Variants in YES1 observed in about 807,000 individuals in gnomAD.
YES1 encodes the protein tyrosine-protein kinase Yes.
A neutral mutation model predicts 70.4 loss-of-function variants in YES1; 39 were observed. That is an observed-to-expected ratio of 0.55 (90% CI 0.43 to 0.72). The LOEUF is 0.72. YES1 is among the 30% of genes least tolerant of loss of function. The pLI is 0.00. For synonymous variants in YES1, 198 were observed against 218.6 expected (o/e 0.91, Z 0.83); for missense variants, 495 against 644.8 (o/e 0.77, Z 2.52).
rs190621626 is a variant in YES1, at chr18:784,772, C to A, written c.-9+27342G>T. Among the ~76,000 whole-genome samples the A allele has an allele frequency of 2.6e-5, 4 of 152,262 alleles. No individual in the cohort carries two copies. In the East Asian group the frequency reaches 7.7e-4, roughly 29 times the overall value. On this transcript the variant is annotated intron_variant, in intron 1 of 11. Transcript: ENST00000314574. ...GCTTTTCTCTTCCACTCTTAAAAAC[C>A]ATTGTTACTCTATTATGCCTACCTG...
chr18:810,659 C>T (rs1358580446), intron 1 of YES1, among the ~76,000 whole-genome samples: 1 of 152,194 alleles, frequency 6.6e-6, no homozygotes, highest in Non-Finnish European at 1.5e-5. Flanking sequence ...GTAGGACCCT[C>T]TGAATTGTCA....
At chr18:779,403 CA>C (rs35003724) in intron 1 of YES1, among the ~76,000 whole-genome samples, 3,910 of 62,990 alleles carry the variant, frequency 0.062, 51 homozygotes, top group Middle Eastern at 0.089. Flanking sequence ...GACCCTGTCT[CA>C]AAAAAAAAAA....
rs766182225 is a variant in YES1, at chr18:736,829, T to C, written c.1270A>G (p.Asn424Asp). 2.1e-5 allele frequency: 34 copies of C among 1,611,798 alleles called. No homozygotes were observed. The Middle Eastern group carries it at 1.9e-3, about 89-fold the overall frequency. The change falls in exon 10 of 12, where the codon AAT becomes GAT. Residue 424 changes from asparagine to aspartate, a missense_variant. This residue lies in a region of YES1 where 385 missense variants were observed against 540.9 expected (regional missense o/e 0.71). Transcript: ENST00000314574. ...TTACCTTGTCTTGCTGTGTATTCAT[T>C]GTCTTCAATTAACCTTGCTAAACCA... The part of the protein sequence containing the change: ...DFGLARLIED[N>D]EYTARQGAKF...
chr18:765,298 A>G (rs1904846353), intron 1 of YES1, among the ~76,000 whole-genome samples: 1 of 135,914 alleles, frequency 7.4e-6, no homozygotes, highest in Non-Finnish European at 1.6e-5. Context: ...ATATATCTGT[A>G]GCAATTTTTT....
intron 1 of YES1, chr18:775,364 A>G (rs1285048820): frequency 6.6e-6 from 1 of 152,240 alleles, no homozygotes; most frequent in Admixed American, 6.6e-5. Context: ...ACACCAATGT[A>G]CTCACCACCC....
chr18:729,247 G>A (rs2080057892), intron 11 of YES1, among the ~76,000 whole-genome samples: 1 of 151,918 alleles, frequency 6.6e-6, no homozygotes, highest in South Asian at 2.1e-4. Flanking sequence ...ATGTTTTACA[G>A]TTCTAAAATT....
chr18:745,664 T>C lies in YES1; in HGVS notation c.724+44A>G, dbSNP rs1447295061. On this transcript the variant is annotated intron_variant, in intron 6 of 11. Coordinates refer to ENST00000314574, the MANE Select transcript of YES1 (RefSeq NM_005433.4). ...GGATATGGATTTTGTCCTCATAAAC[T>C]AGAATATGAAGAAATAATTTTTACC... 3 of 1,549,216 alleles carry C rather than the reference T, an allele frequency of 1.9e-6. No homozygotes were observed. In the Admixed American group the frequency reaches 6.0e-5, roughly 31 times the overall value.
chr18:725,399 A>G (rs531879831), intron 11 of YES1, among the ~76,000 whole-genome samples: 1 of 152,306 alleles, frequency 6.6e-6, no homozygotes, highest in East Asian at 1.9e-4. Context: ...AAAATAGTCT[A>G]TGATTCTCTA....
chr18:779,409 A>C (rs1328611872), intron 1 of YES1, among the ~76,000 whole-genome samples: 2 of 151,898 alleles, frequency 1.3e-5, no homozygotes, highest in Non-Finnish European at 2.9e-5. Flanking sequence ...GTCTCAAAAA[A>C]AAAAAAAAAA....
intron 2 of YES1, 49 bp from the exon 3 acceptor site, chr18:751,853 A>C: frequency 9.0e-7 from 1 of 1,115,146 alleles, no homozygotes; most frequent in Non-Finnish European, 1.3e-6. Context: ...TAACTTAACA[A>C]AACAGAAAAA....
At chr18:757,502 CAA>C (rs747227284) in intron 1 of YES1, among the ~76,000 whole-genome samples, 14 of 91,172 alleles carry the variant, frequency 1.5e-4, no homozygotes, top group Admixed American at 4.6e-4. Context: ...GACTCCGTCT[CAA>C]AAAAAAAAAA....
Position 722,900 on chromosome 18 carries a change from G to C in YES1, c.*1524C>G, listed in dbSNP as rs146312589. On this transcript the variant is annotated 3_prime_UTR_variant, in exon 12 of 12. Coordinates refer to ENST00000314574, the MANE Select transcript of YES1 (RefSeq NM_005433.4). ...AAGGTCAGGAGATCGAGACTATCCT[G>C]GCTAACACGGTGAAACTGCGTCTCT... The C allele has an allele frequency of 6.6e-6, 1 of 152,186 alleles. No individual in the cohort carries two copies. The highest frequency in any genetic ancestry group is 2.4e-5 in the African/African-American group (1 of 41,434). The allele number at this position is 152,186 out of a possible 1,614,324, so 9.4% of individuals were successfully genotyped here.
intron 4 of YES1, 55 bp downstream of exon 4, chr18:747,865 C>A: frequency 1.3e-6 from 2 of 1,522,776 alleles, no homozygotes; most frequent in Non-Finnish European, 1.8e-6. Flanking sequence ...GTAGAATGTG[C>A]ATTAAAACAT....
chr18:747,629 G>A (rs1224027209), intron 4 of YES1, among the ~76,000 whole-genome samples: 1 of 152,092 alleles, frequency 6.6e-6, no homozygotes, highest in Admixed American at 6.6e-5. Context: ...TTTGAAGTGA[G>A]ACAGTCTGAA....
At chr18:800,677 T>C (rs1250916643) in intron 1 of YES1, among the ~76,000 whole-genome samples, 2 of 152,216 alleles carry the variant, frequency 1.3e-5, no homozygotes, top group Non-Finnish European at 2.9e-5. Flanking sequence ...CTTGACACAG[T>C]GGCAAAAGAG....
Position 751,593 on chromosome 18 carries a change from G to A in YES1, c.371+112C>T, listed in dbSNP as rs560949965. On this transcript the variant is annotated intron_variant, in intron 3 of 11. Transcript: ENST00000314574. ...GCCAATGCATCGTTAAACACAGTGGGCAGCCCATGCCCTACCTCTCTCATC... is the reference window on the plus strand; with the variant it reads ...GCCAATGCATCGTTAAACACAGTGGACAGCCCATGCCCTACCTCTCTCATC... The A allele has an allele frequency of 5.2e-5, 36 of 696,374 alleles. 2 individuals carry two copies. The highest frequency in any genetic ancestry group is 3.0e-4 in the South Asian group (17 of 57,092). The allele number at this position is 696,374 out of a possible 1,614,324, so 43.1% of individuals were successfully genotyped here. A position where few individuals can be genotyped will look rare whatever the true frequency, so the allele number is the denominator to read the frequency against.
At chr18:806,104 TTC>T (rs1289058837) in intron 1 of YES1, among the ~76,000 whole-genome samples, 5 of 152,240 alleles carry the variant, frequency 3.3e-5, no homozygotes, top group Non-Finnish European at 5.9e-5. Context: ...AAATCAGGAC[TTC>T]TTTTTCTTTT....
At chr18:752,257 G>A (rs2080352845) in intron 2 of YES1, among the ~76,000 whole-genome samples, 1 of 152,180 alleles carries the variant, frequency 6.6e-6, no homozygotes, top group Non-Finnish European at 1.5e-5. Flanking sequence ...ACAGGCATGT[G>A]CCGCCACACC....
chr18:804,924 A>AAAAAAAAAC (rs1363393273), intron 1 of YES1, among the ~76,000 whole-genome samples: 1 of 151,424 alleles, frequency 6.6e-6, no homozygotes, highest in East Asian at 1.9e-4. Flanking sequence ...AAAAAAAAAA[A>AAAAAAAAAC]ACACAAACCA....
Sources: allele counts gnomAD v4.1 joint callset (sites outside exome capture counted in the v4.1 genomes callset), GRCh38; gene constraint gnomAD v4.1.1; regional missense constraint gnomAD v4.1.1; transcripts MANE v1.5; gene names NCBI Gene and HGNC (gene_info 2026-07-23, HGNC 2026-07-21).